The following CA10 variants were observed in gnomAD, a reference collection of about 807,000 sequenced individuals.
CA10 encodes the protein carbonic anhydrase-related protein 10.
A neutral mutation model predicts 44.2 loss-of-function variants in CA10; 14 were observed. The ratio of observed to expected loss-of-function variants is 0.32; its 90% confidence interval spans 0.21 to 0.50. The LOEUF (loss-of-function observed/expected upper bound fraction) is 0.50. CA10 is among the 20% of genes least tolerant of loss of function. The pLI, the probability that CA10 is intolerant of heterozygous loss-of-function variation, is 0.99. For synonymous variants in CA10, 159 were observed against 141.6 expected (o/e 1.12, Z -0.87); for missense variants, 350 against 409.7 (o/e 0.85, Z 1.26).
chr17:51,823,606 C>G (rs535720257), intron 3 of CA10, among the ~76,000 whole-genome samples: 3 of 152,184 alleles, frequency 2.0e-5, no homozygotes, highest in Non-Finnish European at 2.9e-5. Flanking sequence ...TTTTCCAGGT[C>G]TCAGAGCCAG....
Position 51,631,617 on chromosome 17 carries a change from A to T in CA10, c.965-11T>A. ...GGAGCCATTCATTTACTGCAAAGAG[A>T]GAGAAAGAAAAAAAAAATCACACAT... On this transcript the variant is annotated splice_polypyrimidine_tract_variant and intron_variant, in intron 8 of 8. Transcript: ENST00000451037. The T allele has an allele frequency of 1.2e-6, 2 of 1,609,994 alleles. No individual in the cohort carries two copies. Among genetic ancestry groups the T allele is most frequent in the Non-Finnish European group, 1.7e-6 (2 of 1,176,780 alleles).
At chr17:51,962,875 T>C (rs1362953822) in intron 2 of CA10, among the ~76,000 whole-genome samples, 2 of 152,150 alleles carry the variant, frequency 1.3e-5, no homozygotes, top group African/African-American at 2.4e-5. Flanking sequence ...AATCTGAATG[T>C]AGTGATGCCA....
chr17:51,947,176 G>A (rs1159752260), intron 2 of CA10, among the ~76,000 whole-genome samples: 1 of 135,320 alleles, frequency 7.4e-6, no homozygotes, highest in Non-Finnish European at 1.5e-5. Context: ...AGGCCCTCAG[G>A]CACTTTTTAC....
At chr17:51,873,514 C>T (rs185966971) in intron 3 of CA10, among the ~76,000 whole-genome samples, 2 of 152,358 alleles carry the variant, frequency 1.3e-5, no homozygotes, top group African/African-American at 4.8e-5. Flanking sequence ...AGCTAGCATT[C>T]ATAAGCAAAT....
chr17:51,687,606 C>T (rs1263954), intron 4 of CA10, among the ~76,000 whole-genome samples: 51,097 of 151,982 alleles, frequency 0.34, 9,091 homozygotes, highest in Admixed American at 0.41. Flanking sequence ...CAGTGGTTTC[C>T]GGGTCAAGTT....
At chr17:52,126,985 T>A (rs1157400378) in intron 1 of CA10, among the ~76,000 whole-genome samples, 2 of 152,358 alleles carry the variant, frequency 1.3e-5, no homozygotes, top group East Asian at 3.9e-4. Context: ...TCTTTACTTA[T>A]ATATTTGTAT....
chr17:51,889,659 T>C (rs73346560), intron 3 of CA10, among the ~76,000 whole-genome samples: 2,517 of 152,330 alleles, frequency 0.017, 50 homozygotes, highest in African/African-American at 0.057. Context: ...CTTTGGAGAC[T>C]AGCTGCTAGG....
At chr17:51,958,969 A>C (rs1983767550) in intron 2 of CA10, among the ~76,000 whole-genome samples, 1 of 152,176 alleles carries the variant, frequency 6.6e-6, no homozygotes, top group South Asian at 2.1e-4. Context: ...TGGGGAATGA[A>C]ATGAAATGGA....
chr17:52,065,314 T>C (rs756076068), intron 2 of CA10, among the ~76,000 whole-genome samples: 1 of 152,262 alleles, frequency 6.6e-6, no homozygotes, highest in African/African-American at 2.4e-5. Context: ...TGTACTGATG[T>C]GTTTGTTACT....
intron 1 of CA10, among the ~76,000 whole-genome samples, chr17:52,075,382 T>C (rs1598201685): frequency 2.0e-5 from 3 of 152,170 alleles, no homozygotes; most frequent in African/African-American, 7.2e-5. Context: ...TTTTCCAAAA[T>C]AGTGAACTCT....
chr17:51,671,926 C>A (rs1567797379), intron 4 of CA10, among the ~76,000 whole-genome samples: 1 of 152,198 alleles, frequency 6.6e-6, no homozygotes, highest in African/African-American at 2.4e-5. Context: ...AGCTTCTCTG[C>A]TTGTAGCAGT....
At chr17:52,055,171 A>G (rs1052375760) in intron 2 of CA10, among the ~76,000 whole-genome samples, 1 of 152,000 alleles carries the variant, frequency 6.6e-6, no homozygotes, top group Non-Finnish European at 1.5e-5. Context: ...CTTATCTGAG[A>G]CTCTTTGCAA....
chr17:52,017,491 C>T (rs973868163), intron 2 of CA10, among the ~76,000 whole-genome samples: 6 of 152,004 alleles, frequency 3.9e-5, no homozygotes, highest in Non-Finnish European at 7.4e-5. Flanking sequence ...CCTAGGGATC[C>T]GTGGAAGTTT....
intron 2 of CA10, among the ~76,000 whole-genome samples, chr17:52,070,777 A>G (rs1987659910): frequency 6.6e-6 from 1 of 152,214 alleles, no homozygotes. Context: ...AAAGAATGTG[A>G]CAACAGAGAA....
intron 2 of CA10, among the ~76,000 whole-genome samples, chr17:51,999,829 A>T (rs1451837262): frequency 6.6e-6 from 1 of 152,034 alleles, no homozygotes; most frequent in Non-Finnish European, 1.5e-5. Flanking sequence ...ACACAGAAGC[A>T]GTAGCTTCAT....
intron 2 of CA10, among the ~76,000 whole-genome samples, chr17:51,989,119 T>G (rs1984947576): frequency 6.6e-6 from 1 of 151,844 alleles, no homozygotes; most frequent in Non-Finnish European, 1.5e-5. Flanking sequence ...ATCTTAATCC[T>G]TATCCTGGAG....
At chr17:52,100,391 T>C (rs1225629718) in intron 1 of CA10, among the ~76,000 whole-genome samples, 1 of 152,018 alleles carries the variant, frequency 6.6e-6, no homozygotes, top group Non-Finnish European at 1.5e-5. Context: ...TCAATTTTCT[T>C]CTATATTTGA....
intron 2 of CA10, among the ~76,000 whole-genome samples, chr17:51,959,280 CTCTGTG>C (rs1395253658): frequency 2.4e-4 from 16 of 66,468 alleles, no homozygotes; most frequent in African/African-American, 8.9e-4. Flanking sequence ...CGCTCTCTCT[CTCTGTG>C]TGTGTGTGTG....
intron 3 of CA10, among the ~76,000 whole-genome samples, chr17:51,930,714 T>C (rs771944781): frequency 2.0e-5 from 3 of 152,154 alleles, no homozygotes; most frequent in Non-Finnish European, 4.4e-5. Flanking sequence ...GTGGCCACTA[T>C]GCTTTCTGTC....
Sources: gnomAD v4.1 joint callset for allele counts (sites outside exome capture counted in the v4.1 genomes callset) on GRCh38, gnomAD v4.1.1 for gene constraint, MANE v1.5 for transcripts, NCBI Gene and HGNC (gene_info 2026-07-23, HGNC 2026-07-21) for gene names.